The following TRPV6 variants were observed in gnomAD, a reference collection of about 807,000 sequenced individuals.
TRPV6 encodes Alu-binding protein with zinc finger domain.
A neutral mutation model predicts 79.0 loss-of-function variants in TRPV6; 39 were observed. That is an observed-to-expected ratio of 0.49 (90% CI 0.38 to 0.64). The LOEUF (loss-of-function observed/expected upper bound fraction) is 0.64. Ranked by LOEUF, TRPV6 falls within the 30% of genes least tolerant of loss-of-function variation. The pLI is 0.00. For missense variants in TRPV6, 813 were observed against 1,011.1 expected, an observed-to-expected ratio of 0.80 and a Z score of 2.66; for synonymous variants, 373 against 391.9, an observed-to-expected ratio of 0.95 and a Z score of 0.57.
chr7:142,872,367 C>A lies in TRPV6; in HGVS notation c.2015+5G>T, dbSNP rs996239016. On this transcript the variant is annotated splice_donor_5th_base_variant and intron_variant, in intron 14 of 14. Coordinates refer to ENST00000359396, the MANE Select transcript of TRPV6 (RefSeq NM_018646.6). ...AGGGGACACCTACCCCCGCATATCA[C>A]TCACCGCAGGAACCAGCGGTCTCCC... 3 of 1,613,908 alleles carry A rather than the reference C, an allele frequency of 1.9e-6. No homozygotes were observed. The highest frequency in any genetic ancestry group is 2.5e-6 in the Non-Finnish European group (3 of 1,179,918).
At position 142,874,072 on chromosome 7, in the gene TRPV6, T is replaced by A; in HGVS notation, c.1639+4A>T. 1 of 1,613,288 alleles carries A rather than the reference T, an allele frequency of 6.2e-7. No homozygotes were observed. The highest frequency in any genetic ancestry group is 8.5e-7 in the Non-Finnish European group (1 of 1,179,642). ...ATGGCCCCTGGTCCTGGACAGATGA[T>A]TACCTGAAGCAAAGCCCAGGATGAC... On this transcript the variant is annotated splice_donor_region_variant and intron_variant, in intron 12 of 14. Coordinates refer to ENST00000359396, the MANE Select transcript of TRPV6 (RefSeq NM_018646.6).
At chr7:142,879,296 CTTGT>C (rs1215120590) in intron 1 of TRPV6, 1 of 152,190 alleles carries the variant, frequency 6.6e-6, no homozygotes, top group Non-Finnish European at 1.5e-5. Context: ...CCACTTCTCG[CTTGT>C]TTTAGGCAAA....
At position 142,877,995 on chromosome 7, in the gene TRPV6, T is replaced by C; in HGVS notation, c.280A>G (p.Lys94Glu). ...TTCAGGGCCTGGACATCATTATCTT[T>C]GGCAGCTAGAAGGAGAGGAGACTCC... Residue 94 changes from lysine to glutamate, a missense_variant, in exon 2 of 15, where the codon AAA becomes GAA. Around this residue, in one of 3 missense-constraint regions of TRPV6, gnomAD observed 555 missense variants for 631.0 expected, o/e 0.88. Transcript: ENST00000359396. 5 of 1,614,208 alleles carry C rather than the reference T, an allele frequency of 3.1e-6. No individual in the cohort carries two copies. Among genetic ancestry groups the C allele is most frequent in the Non-Finnish European group, 4.2e-6 (5 of 1,180,038 alleles).
At chr7:142,880,229 C>T (rs149860014) in intron 1 of TRPV6, 16 of 152,384 alleles carry the variant, frequency 1.0e-4, no homozygotes, top group Non-Finnish European at 1.5e-4. Context: ...CCACATCAAC[C>T]ATTTGCACAA....
rs1473294948 is a variant in TRPV6 at position 142,877,924 on chromosome 7, C to T, written c.346+5G>A. 6.2e-7 allele frequency: 1 copy of T among 1,614,204 alleles called. No homozygotes were observed. The highest frequency in any genetic ancestry group is 1.7e-5 in the Admixed American group (1 of 60,028). ...AGGAGATCATGCTGCATTTGTGCTT[C>T]TTACCTCTCTGGTGCACCTTGCAAT... On this transcript the variant is annotated splice_donor_5th_base_variant and intron_variant, in intron 2 of 14. Transcript: ENST00000359396.
Position 142,885,523 on chromosome 7 carries a change from T to C in TRPV6, c.114A>G (p.Leu38=), listed in dbSNP as rs1253748999. The stretch of plus-strand genomic sequence containing the variant: ...TGGGCAGTGACAAACCCATGGGGTG[T>C]AGGGCCGGCTCCTTGGGGGCCTGAG... The change falls in exon 1 of 15, where the codon CTA becomes CTG. Residue 38 remains leucine (L), a synonymous_variant. Transcript: ENST00000359396. 4.4e-6 allele frequency: 7 copies of C among 1,603,752 alleles called. No individual in the cohort carries two copies. Among genetic ancestry groups the C allele is most frequent in the South Asian group, 2.2e-5 (2 of 89,630 alleles).
intron 11 of TRPV6, 102 bp from the exon 12 acceptor site, chr7:142,874,244 C>T (rs1387861625): frequency 1.5e-6 from 2 of 1,353,514 alleles, no homozygotes; most frequent in African/African-American, 1.4e-5. Context: ...ACAGCTCCAC[C>T]CTCTGGGACA....
rs779576665 is a variant in TRPV6, at chr7:142,873,941, G to A, written c.1639+135C>T. On this transcript the variant is annotated intron_variant, in intron 12 of 14. Coordinates refer to ENST00000359396, the MANE Select transcript of TRPV6 (RefSeq NM_018646.6). This position sits in a 1 kb window ranked among gnomAD's most constrained non-coding sequence, Gnocchi z 4.8. Reference sequence around the variant, plus strand: ...CCGATTTTTCTCACCTCTGGAGGACGTCCCATCCTCTGATACCATAGGTCT... The same window carrying A: ...CCGATTTTTCTCACCTCTGGAGGACATCCCATCCTCTGATACCATAGGTCT... 12 of 1,155,386 alleles carry A rather than the reference G, an allele frequency of 1.0e-5. No homozygotes were observed. The highest frequency in any genetic ancestry group is 2.5e-4 in the Middle Eastern group (1 of 4,078). 71.6% of individuals were successfully genotyped at this position (1,155,386 alleles called of 1,614,324 possible).
At position 142,873,861 on chromosome 7, in the gene TRPV6, C is replaced by T; in HGVS notation, c.1640-145G>A. ...CTCCAAACTTTGGGTTTTTACGGTC[C>T]CTAGTTTTGTATGAGCCTCATCTTG... On this transcript the variant is annotated intron_variant, in intron 12 of 14. Coordinates refer to ENST00000359396, the MANE Select transcript of TRPV6 (RefSeq NM_018646.6). The surrounding 1 kb of genome is among the most constrained non-coding windows in gnomAD (Gnocchi z 4.8). 1.6e-6 allele frequency: 2 copies of T among 1,233,568 alleles called. No homozygotes were observed. Among genetic ancestry groups the T allele is most frequent in the Non-Finnish European group, 2.3e-6 (2 of 878,914 alleles). 76.4% of individuals were successfully genotyped at this position (1,233,568 alleles called of 1,614,324 possible). A position where few individuals can be genotyped will look rare whatever the true frequency, so the allele number is the denominator to read the frequency against.
chr7:142,875,945 G>GGGAC (rs1195988850), intron 6 of TRPV6, 41 bp from the exon 7 acceptor site: 2 of 1,540,350 alleles, frequency 1.3e-6, no homozygotes, highest in East Asian at 4.5e-5. Flanking sequence ...GTAAGCAAAG[G>GGGAC]GGACGGTCAC....
At chr7:142,879,485 T>G (rs2116526128) in intron 1 of TRPV6, 1 of 152,320 alleles carries the variant, frequency 6.6e-6, no homozygotes, top group South Asian at 2.1e-4. Flanking sequence ...ATAACTCTAT[T>G]TATCCATAGT....
chr7:142,885,219 C>T, intron 1 of TRPV6, 170 bp downstream of exon 1: 1 of 687,640 alleles, frequency 1.5e-6, no homozygotes, highest in East Asian at 2.9e-5. Context: ...TTCACCAGCC[C>T]TACAGGCTGA....
rs200501944 is a variant in TRPV6 at position 142,885,518 on chromosome 7, G to A, written c.119C>T (p.Pro40Leu). 3.5e-5 allele frequency: 56 copies of A among 1,610,018 alleles called. No individual in the cohort carries two copies. Among genetic ancestry groups the A allele is most frequent in the Non-Finnish European group, 4.4e-5 (52 of 1,177,708 alleles). Residue 40 changes from proline (P) to leucine (L), a missense_variant, in exon 1 of 15, where the codon CCC becomes CTC. Coordinates refer to ENST00000359396, the MANE Select transcript of TRPV6 (RefSeq NM_018646.6). ...CTCCTTGGGCAGTGACAAACCCATG[G>A]GGTGTAGGGCCGGCTCCTTGGGGGC...
chr7:142,879,019 G>C (rs931468357), intron 1 of TRPV6: 1 of 152,198 alleles, frequency 6.6e-6, no homozygotes, highest in Non-Finnish European at 1.5e-5. Flanking sequence ...TAAAGTTTGC[G>C]AAACAGTGTT....
intron 6 of TRPV6, 199 bp from the exon 7 acceptor site, chr7:142,876,103 CAG>C: frequency 1.4e-6 from 1 of 692,580 alleles, no homozygotes; most frequent in Non-Finnish European, 2.3e-6. Context: ...TGACTCCCTC[CAG>C]AGTTTGGAAA....
In TRPV6 at chr7:142,872,746, A is replaced by G. The variant is rs4987675; in HGVS notation, c.1909-268T>C. Among the ~76,000 whole-genome samples the G allele has an allele frequency of 7.3e-3, 1,109 of 152,252 alleles. 12 individuals are homozygous for G. Among genetic ancestry groups the G allele is most frequent in the African/African-American group, 0.025 (1,051 of 41,512 alleles). ...AAGGGCTCCCAGATATTTTGACCCT[A>G]CAGACATAAAGGCCACTTATAAATA... is the stretch of plus-strand genomic sequence containing the variant. On this transcript the variant is annotated intron_variant, in intron 13 of 14. Coordinates refer to ENST00000359396, the MANE Select transcript of TRPV6 (RefSeq NM_018646.6).
At chr7:142,875,056 C>T in intron 9 of TRPV6, 22 bp downstream of exon 9, 1 of 1,614,128 alleles carries the variant, frequency 6.2e-7, no homozygotes. Flanking sequence ...ACAGCCTCAC[C>T]CAGAGTCCAT....
In TRPV6 at chr7:142,877,115, G is replaced by A. The variant is rs369609947; in HGVS notation, c.607+27C>T. ...GCCTTGCCCACCTTTCCAACTGCCC[G>A]TCCTCCAAGCCCAGCCCTGCTCTCA... is the stretch of plus-strand genomic sequence containing the variant. On this transcript the variant is annotated intron_variant, in intron 4 of 14. Transcript: ENST00000359396. 6.2e-5 allele frequency: 100 copies of A among 1,601,986 alleles called. No individual in the cohort carries two copies. The Middle Eastern group carries it at 6.6e-4, about 11-fold the overall frequency.
chr7:142,878,149 G>C (rs1241035548), intron 1 of TRPV6, 123 bp from the exon 2 acceptor site: 6 of 762,528 alleles, frequency 7.9e-6, no homozygotes, highest in East Asian at 2.7e-5. Flanking sequence ...GAACCTCAGG[G>C]TCTTCAATCA....
Sources: gnomAD v4.1 joint callset for allele counts (sites outside exome capture counted in the v4.1 genomes callset) on GRCh38, gnomAD v4.1.1 for gene constraint, gnomAD v4.1.1 regional missense constraint, Gnocchi (gnomAD v3.1) non-coding constraint, MANE v1.5 for transcripts, NCBI Gene and HGNC (gene_info 2026-07-23, HGNC 2026-07-21) for gene names.